The following C2orf92 variants were observed in gnomAD, a reference collection of about 807,000 sequenced individuals.
The protein encoded by C2orf92 is uncharacterized protein C2orf92.
upstream of C2orf92, chr2:97,669,582 G>A (rs1675341768): frequency 1.3e-5 from 5 of 385,284 alleles, no homozygotes. Context: ...CAGAGAGGCA[G>A]TCACTTCAGG....
At chr2:97,665,729 CTCTCTCTCTATATATATATATA>C (rs1476421334), upstream of C2orf92, 168 of 27,584 alleles carry the variant, frequency 6.1e-3, no homozygotes, top group African/African-American at 0.017. Flanking sequence ...CTCTCTCTCT[CTCTCTCTCTATATATATATATA>C]TATATATATA....
intron 3 of C2orf92, among the ~76,000 whole-genome samples, chr2:97,683,111 CACAA>C (rs1394146696): frequency 7.9e-5 from 12 of 151,806 alleles, no homozygotes; most frequent in Non-Finnish European, 1.5e-5. Context: ...CACACACACA[CACAA>C]ACATATTAAA....
intron 1 of C2orf92, chr2:97,671,109 G>C (rs58753916): frequency 0.048 from 7,444 of 156,474 alleles, 592 homozygotes; most frequent in African/African-American, 0.17. Flanking sequence ...GTGCCACCAC[G>C]CCTGGCTAAT....
chr2:97,689,282 C>G (rs1676055531), intron 4 of C2orf92, among the ~76,000 whole-genome samples: 1 of 152,210 alleles, frequency 6.6e-6, no homozygotes, highest in Admixed American at 6.5e-5. Flanking sequence ...GAAACCTGAT[C>G]TGCAAGTGGG....
intron 3 of C2orf92, among the ~76,000 whole-genome samples, chr2:97,676,433 CAAAAAAAAAAAAAAAGAAA>C (rs1161441485): frequency 3.2e-5 from 1 of 31,114 alleles, no homozygotes; most frequent in African/African-American, 1.7e-4. Flanking sequence ...GACTCCATCT[CAAAAAAAAAAAAAAAGAAA>C]AAAAAAAAAA....
chr2:97,677,210 A>G (rs1473032671), intron 3 of C2orf92, among the ~76,000 whole-genome samples: 1 of 152,168 alleles, frequency 6.6e-6, no homozygotes, highest in Non-Finnish European at 1.5e-5. Context: ...TGGGCAATAG[A>G]GACCTGTCTT....
At chr2:97,673,129 CCCT>C (rs1675469183) in intron 1 of C2orf92, among the ~76,000 whole-genome samples, 1 of 152,098 alleles carries the variant, frequency 6.6e-6, no homozygotes, top group Non-Finnish European at 1.5e-5. Flanking sequence ...TGGCTCCTAC[CCCT>C]GTTTTTGTGG....
rs1676048836 is a variant in C2orf92, at chr2:97,688,966, T to G, written c.304T>G (p.Ser102Ala). ...PSFNEATAVR[S>A]ITKTDMRKGT... Reference sequence around the variant, plus strand: ...ATTTAACGAAGCAACAGCAGTCAGATCCATTACAAAGACAGACATGAGAAA... The same window carrying G: ...ATTTAACGAAGCAACAGCAGTCAGAGCCATTACAAAGACAGACATGAGAAA... The change falls in exon 4 of 8, where the codon TCC becomes GCC. Residue 102 changes from serine (S) to alanine (A), a missense_variant. Coordinates refer to ENST00000627399, the MANE Select transcript of C2orf92 (RefSeq NM_001351368.2). The G allele has an allele frequency of 2.5e-6, 1 of 398,446 alleles. No homozygotes were observed. Among genetic ancestry groups the G allele is most frequent in the Non-Finnish European group, 4.4e-6 (1 of 226,056 alleles). 24.7% of individuals were successfully genotyped at this position (398,446 alleles called of 1,614,324 possible).
chr2:97,689,856 C>T (rs544095425), intron 4 of C2orf92, among the ~76,000 whole-genome samples: 14 of 152,168 alleles, frequency 9.2e-5, no homozygotes, highest in Admixed American at 6.5e-4. Context: ...AAGCCAGGCG[C>T]GGTGGCTCAC....
At chr2:97,667,399 A>T (rs1474647861), upstream of C2orf92, among the ~76,000 whole-genome samples, 3 of 145,184 alleles carry the variant, frequency 2.1e-5, no homozygotes, top group Non-Finnish European at 4.5e-5. Flanking sequence ...AGTAGCTGGG[A>T]TCACAGGTTC....
intron 3 of C2orf92, 142 bp downstream of exon 3, chr2:97,676,070 A>C (rs571031263): frequency 2.5e-6 from 1 of 397,328 alleles, no homozygotes; most frequent in African/African-American, 2.1e-5. Context: ...CTGTTTCTCT[A>C]TGAGTCAAAA....
At chr2:97,693,196 A>C (rs542510784) in intron 5 of C2orf92, among the ~76,000 whole-genome samples, 1 of 152,302 alleles carries the variant, frequency 6.6e-6, no homozygotes, top group Non-Finnish European at 1.5e-5. Context: ...TCTATTGTAT[A>C]TATATACCAT....
At chr2:97,678,452 A>G (rs539077978) in intron 3 of C2orf92, among the ~76,000 whole-genome samples, 1 of 152,040 alleles carries the variant, frequency 6.6e-6, no homozygotes, top group South Asian at 2.1e-4. Flanking sequence ...GAATGTGCAC[A>G]TTCAAGTTAC....
intron 3 of C2orf92, among the ~76,000 whole-genome samples, chr2:97,681,094 G>A (rs565757556): frequency 1.1e-3 from 118 of 112,268 alleles, no homozygotes; most frequent in African/African-American, 4.0e-3. Flanking sequence ...GAGACAGAGC[G>A]AGACTCCATC....
intron 3 of C2orf92, among the ~76,000 whole-genome samples, chr2:97,679,100 C>A (rs1331736471): frequency 2.0e-5 from 3 of 151,800 alleles, no homozygotes; most frequent in African/African-American, 7.3e-5. Flanking sequence ...AGCTGAGAGA[C>A]CCGCCTTATG....
chr2:97,696,196 C>T lies in C2orf92; in HGVS notation c.404-2830C>T, dbSNP rs952863303. On this transcript the variant is annotated intron_variant, in intron 5 of 7. Coordinates refer to ENST00000627399, the MANE Select transcript of C2orf92 (RefSeq NM_001351368.2). The stretch of plus-strand genomic sequence containing the variant: ...CTTTAAAAAGTGCTTACGTTGTAAT[C>T]GCACGGAGTTCTGGGAGAACAAGAG... 5.9e-5 allele frequency among the ~76,000 whole-genome samples: 9 copies of T among 152,160 alleles called. No individual in the cohort carries two copies. In the East Asian group the frequency reaches 1.3e-3, roughly 23 times the overall value.
At chr2:97,664,046 G>C, upstream of C2orf92, 1 of 331,032 alleles carries the variant, frequency 3.0e-6, no homozygotes, top group Non-Finnish European at 5.3e-6. Context: ...GGGCTTTCTG[G>C]AGGGCGGGCC....
upstream of C2orf92, chr2:97,669,194 G>T (rs1675329183): frequency 6.6e-6 from 1 of 152,190 alleles, no homozygotes; most frequent in African/African-American, 2.4e-5. Context: ...ATAGTGACAC[G>T]TGAGTAACAA....
Position 97,685,008 on chromosome 2 carries a change from C to T in C2orf92, c.233-3887C>T, listed in dbSNP as rs144019622. On this transcript the variant is annotated intron_variant, in intron 3 of 7. Coordinates refer to ENST00000627399, the MANE Select transcript of C2orf92 (RefSeq NM_001351368.2). ...GTAGTGGCACAATCTTGGCTCACTG[C>T]AAGCTTCGCCTCCCGGGTTCACACC... 8.0e-3 allele frequency among the ~76,000 whole-genome samples: 1,209 copies of T among 151,888 alleles called. 15 individuals carry two copies. Among genetic ancestry groups the T allele is most frequent in the African/African-American group, 0.027 (1,106 of 41,452 alleles).
Sources: gnomAD v4.1 joint callset for allele counts (sites outside exome capture counted in the v4.1 genomes callset) on GRCh38, gnomAD v4.1.1 for gene constraint, MANE v1.5 for transcripts, NCBI Gene and HGNC (gene_info 2026-07-23, HGNC 2026-07-21) for gene names.